Variants in TIAM2 observed in about 807,000 individuals in gnomAD.
The protein encoded by TIAM2 is rho guanine nucleotide exchange factor TIAM2.
A neutral mutation model predicts 152.9 loss-of-function variants in TIAM2; 80 were observed. The observed-to-expected ratio is 0.52, with a 90% CI of 0.44 to 0.63. TIAM2 has a LOEUF of 0.63. Among genes scored for constraint, TIAM2 ranks in the 30% least tolerant of loss-of-function variants. The pLI is 0.00. For synonymous variants in TIAM2, 804 were observed against 838.0 expected (o/e 0.96, Z 0.70); for missense variants, 1,965 against 2,120.1 (o/e 0.93, Z 1.44).
At chr6:155,254,769 T>G in intron 26 of TIAM2, 196 bp downstream of exon 26, 2 of 592,020 alleles carry the variant, frequency 3.4e-6, no homozygotes, top group Non-Finnish European at 5.8e-6. Flanking sequence ...CAACCCCCAG[T>G]CCCTTGTCTT....
At chr6:155,144,923 C>T (rs992401560) in intron 6 of TIAM2, 145 bp downstream of exon 6, 39 of 897,986 alleles carry the variant, frequency 4.3e-5, no homozygotes, top group Non-Finnish European at 5.4e-5. Context: ...TGTTGGCTTC[C>T]GCTGACTGCC....
At chr6:155,034,045 CT>C (rs11333263) in intron 1 of TIAM2, among the ~76,000 whole-genome samples, 111,997 of 146,016 alleles carry the variant, frequency 0.77, 44,825 homozygotes, top group Middle Eastern at 0.91. Context: ...TGTTGCTTAC[CT>C]TTTTTTTTTT....
intron 2 of TIAM2, among the ~76,000 whole-genome samples, chr6:155,127,231 G>C (rs972920685): frequency 6.6e-6 from 1 of 152,098 alleles, no homozygotes; most frequent in South Asian, 2.1e-4. Context: ...TCACTGGAGC[G>C]GTCTCCCCTG....
At chr6:155,216,971 C>T (rs1583255500) in intron 15 of TIAM2, 2 of 1,237,518 alleles carry the variant, frequency 1.6e-6, no homozygotes, top group Non-Finnish European at 2.1e-6. Flanking sequence ...TTTTCATTGC[C>T]TGGGGATGAG....
At chr6:155,098,411 T>C in intron 2 of TIAM2, among the ~76,000 whole-genome samples, 1 of 152,218 alleles carries the variant, frequency 6.6e-6, no homozygotes, top group East Asian at 1.9e-4. Context: ...TTAAATTGCT[T>C]CCTAGATATT....
intron 15 of TIAM2, among the ~76,000 whole-genome samples, chr6:155,229,668 C>G (rs549240468): frequency 2.0e-5 from 3 of 152,364 alleles, no homozygotes; most frequent in African/African-American, 7.2e-5. Context: ...TTCACACTTA[C>G]AGTGGGATTG....
At chr6:155,142,432 C>T (rs1358930366) in intron 5 of TIAM2, among the ~76,000 whole-genome samples, 2 of 152,154 alleles carry the variant, frequency 1.3e-5, no homozygotes, top group Non-Finnish European at 2.9e-5. Context: ...CCTCTAGATG[C>T]CACGATTTAA....
chr6:155,204,697 T>G (rs537265656), intron 14 of TIAM2, among the ~76,000 whole-genome samples: 1 of 152,330 alleles, frequency 6.6e-6, no homozygotes, highest in African/African-American at 2.4e-5. Flanking sequence ...AAACATATTT[T>G]AAAAACAATT....
intron 5 of TIAM2, among the ~76,000 whole-genome samples, chr6:155,142,598 T>C (rs2115057378): frequency 6.6e-6 from 1 of 152,322 alleles, no homozygotes; most frequent in East Asian, 1.9e-4. Flanking sequence ...AACAGTAGCA[T>C]CAGATGGGCC....
At chr6:155,046,730 C>T (rs895367620) in intron 1 of TIAM2, among the ~76,000 whole-genome samples, 1 of 152,142 alleles carries the variant, frequency 6.6e-6, no homozygotes, top group Non-Finnish European at 1.5e-5. Flanking sequence ...CTGTGCTTCT[C>T]TGGGAACTCC....
At chr6:155,016,331 A>G (rs574947540) in intron 1 of TIAM2, 15 of 152,202 alleles carry the variant, frequency 9.9e-5, no homozygotes, top group Non-Finnish European at 2.2e-4. Flanking sequence ...TCTGCACTTG[A>G]CCTGGAAGGA....
Position 155,116,624 on chromosome 6 carries a change from A to G in TIAM2, c.-117-10866A>G, listed in dbSNP as rs929249540. ...TGTGATTGGGGTTTAGGAGGACGGTATCTGCTTCTGATGTACTGAAGCTCG... is the reference window on the plus strand; with the variant it reads ...TGTGATTGGGGTTTAGGAGGACGGTGTCTGCTTCTGATGTACTGAAGCTCG... On this transcript the variant is annotated intron_variant, in intron 2 of 26. Transcript: ENST00000682666. Among the ~76,000 whole-genome samples the G allele has an allele frequency of 5.3e-5, 8 of 152,328 alleles. No homozygotes were observed. In the East Asian group the frequency reaches 1.5e-3, roughly 29 times the overall value.
intron 1 of TIAM2, among the ~76,000 whole-genome samples, chr6:155,020,671 C>G (rs994745632): frequency 6.6e-6 from 1 of 152,158 alleles, no homozygotes; most frequent in Non-Finnish European, 1.5e-5. Flanking sequence ...TCATGTTGGC[C>G]AGGTTGGTCT....
At chr6:155,127,153 C>T (rs370473262) in intron 2 of TIAM2, among the ~76,000 whole-genome samples, 25 of 152,212 alleles carry the variant, frequency 1.6e-4, no homozygotes, top group Admixed American at 5.9e-4. Flanking sequence ...CACAGCCTGA[C>T]GCTCCTGCAG....
intron 1 of TIAM2, among the ~76,000 whole-genome samples, chr6:155,026,826 T>A (rs1450730269): frequency 6.6e-6 from 1 of 152,214 alleles, no homozygotes; most frequent in African/African-American, 2.4e-5. Context: ...GGCTTTTGTA[T>A]GTAGTTACGG....
chr6:155,024,892 G>C (rs73579435), intron 1 of TIAM2, among the ~76,000 whole-genome samples: 1,551 of 152,290 alleles, frequency 0.01, 22 homozygotes, highest in African/African-American at 0.034. Flanking sequence ...TGCTCTAGAT[G>C]AAGTGACAGA....
At chr6:155,222,895 C>T (rs1043896804) in intron 15 of TIAM2, among the ~76,000 whole-genome samples, 2 of 152,170 alleles carry the variant, frequency 1.3e-5, no homozygotes, top group African/African-American at 2.4e-5. Flanking sequence ...GAATTTGCTT[C>T]GGTCGTTTAT....
intron 1 of TIAM2, among the ~76,000 whole-genome samples, chr6:155,083,149 A>G (rs1674742199): frequency 6.6e-6 from 1 of 151,954 alleles, no homozygotes; most frequent in Admixed American, 6.6e-5. Flanking sequence ...GGAGTTCAAG[A>G]CCAGCTCGGT....
intron 1 of TIAM2, among the ~76,000 whole-genome samples, chr6:155,088,052 C>CTTTTT (rs113372173): frequency 8.2e-4 from 98 of 118,986 alleles, no homozygotes; most frequent in African/African-American, 1.0e-3. Context: ...TTCTTTCTTT[C>CTTTTT]TTTTTTTTTT....
Sources: allele counts gnomAD v4.1 joint callset (sites outside exome capture counted in the v4.1 genomes callset), GRCh38; gene constraint gnomAD v4.1.1; transcripts MANE v1.5; gene names NCBI Gene and HGNC (gene_info 2026-07-23, HGNC 2026-07-21).